FAM20A: variants seen among roughly 807,000 people sequenced by gnomAD.
The protein encoded by FAM20A is FAM20A golgi associated secretory pathway pseudokinase.
Under a neutral mutation model 52.0 loss-of-function variants are expected in FAM20A, and 42 were observed. The observed-to-expected ratio is 0.81, with a 90% CI of 0.63 to 1.04. The LOEUF is 1.04. FAM20A is among the 50% of genes least tolerant of loss of function. The pLI, the probability that FAM20A is intolerant of heterozygous loss-of-function variation, is 0.00. For missense variants in FAM20A, 742 were observed against 712.7 expected (o/e 1.04, Z -0.47); for synonymous variants, 304 against 298.9 (o/e 1.02, Z -0.18).
intron 1 of FAM20A, among the ~76,000 whole-genome samples, chr17:68,575,356 G>C (rs1373154957): frequency 2.1e-5 from 3 of 141,800 alleles, no homozygotes; most frequent in Non-Finnish European, 4.5e-5. Flanking sequence ...AGACCAACCT[G>C]GCCAACACAG....
intron 1 of FAM20A, chr17:68,558,265 G>A (rs949942116): frequency 2.6e-6 from 1 of 389,918 alleles, no homozygotes; most frequent in Non-Finnish European, 5.2e-6. Flanking sequence ...AGCTGCTGAC[G>A]AAAATGCAGC....
chr17:68,557,627 A>G (rs909803778), intron 1 of FAM20A: 2 of 152,202 alleles, frequency 1.3e-5, no homozygotes, highest in Non-Finnish European at 2.9e-5. Context: ...CAAGTCACCC[A>G]GTTTATAGTA....
chr17:68,572,005 T>TA lies in FAM20A; in HGVS notation c.405-16263dup, dbSNP rs1354758647. 6.2e-3 allele frequency among the ~76,000 whole-genome samples: 236 copies of TA among 38,272 alleles called. 3 individuals carry two copies. The highest frequency in any genetic ancestry group is 0.02 in the African/African-American group (204 of 10,028). The allele number at this position is 38,272 out of a possible 152,430, so 25.1% of individuals were successfully genotyped here. ...ATACATACATATATATATATATATA[T>TA]ATATATATATATATATATATATATA... On this transcript the variant is annotated intron_variant, in intron 1 of 10. Coordinates refer to ENST00000592554, the MANE Select transcript of FAM20A (RefSeq NM_017565.4).
chr17:68,546,030 A>G (rs531083499), intron 4 of FAM20A, among the ~76,000 whole-genome samples: 8 of 151,870 alleles, frequency 5.3e-5, no homozygotes, highest in Admixed American at 3.3e-4. Context: ...TTAGCCAGGC[A>G]TGGTGGCGCA....
chr17:68,551,366 A>G (rs1031308932), intron 4 of FAM20A: 1 of 369,528 alleles, frequency 2.7e-6, no homozygotes, highest in African/African-American at 2.1e-5. Flanking sequence ...TTCAGTTGAA[A>G]CAAGTATTGT....
At position 68,600,436 on chromosome 17, in the gene FAM20A, C is replaced by A; in HGVS notation, c.231G>T (p.Arg77=). The change falls in exon 1 of 11, where the codon CGG becomes CGT. Residue 77 remains arginine, a synonymous_variant. Transcript: ENST00000592554. The surrounding 1 kb of genome is among the most constrained non-coding windows in gnomAD (Gnocchi z 6.2). The part of the protein sequence containing the change: ...IVHNFSRTEP[R]TEPAGGSHSG... ...TGTGGCTGCCGCCAGCCGGTTCAGT[C>A]CGGGGCTCGGTTCGGGAAAAGTTGT... 1.9e-6 allele frequency: 3 copies of A among 1,611,378 alleles called. No individual in the cohort carries two copies. The highest frequency in any genetic ancestry group is 1.1e-5 in the South Asian group (1 of 90,544).
chr17:68,560,337 C>T (rs1214763791), intron 1 of FAM20A, among the ~76,000 whole-genome samples: 1 of 122,516 alleles, frequency 8.2e-6, no homozygotes, highest in Non-Finnish European at 1.6e-5. Context: ...GAGCGAAACT[C>T]CATCTCAAAA....
Position 68,600,290 on chromosome 17 carries a change from T to C in FAM20A, c.377A>G (p.Tyr126Cys). The C allele has an allele frequency of 6.3e-7, 1 of 1,575,590 alleles. No individual in the cohort carries two copies. The highest frequency in any genetic ancestry group is 8.6e-7 in the Non-Finnish European group (1 of 1,161,030). Residue 126 changes from tyrosine (Y) to cysteine (C), a missense_variant, in exon 1 of 11, where the codon TAC becomes TGC. By Grantham distance (194) the Tyr-to-Cys change is radical (BLOSUM62 -2). Transcript: ENST00000592554. The surrounding 1 kb of genome is among the most constrained non-coding windows in gnomAD (Gnocchi z 6.2). ...LLASQEALRY[Y>C]RRKVARWNRR... ...GTTCCAGCGGGCCACCTTCCTCCGG[T>C]AATACCGCAGCGCCTCCTGGCTGGC...
At chr17:68,562,640 A>G (rs1223024199) in intron 1 of FAM20A, among the ~76,000 whole-genome samples, 1 of 146,132 alleles carries the variant, frequency 6.8e-6, no homozygotes, top group South Asian at 2.2e-4. Flanking sequence ...TAAGCATTGC[A>G]TCTTCTCATT....
At chr17:68,590,804 C>T (rs1480309269) in intron 1 of FAM20A, among the ~76,000 whole-genome samples, 3 of 152,182 alleles carry the variant, frequency 2.0e-5, no homozygotes, top group Non-Finnish European at 4.4e-5. Flanking sequence ...CTGCTCTTCC[C>T]CACTCTGAGC....
chr17:68,597,466 C>A (rs750631510), intron 1 of FAM20A, among the ~76,000 whole-genome samples: 27 of 152,104 alleles, frequency 1.8e-4, no homozygotes, highest in Non-Finnish European at 3.8e-4. Context: ...CTGACTGCAA[C>A]TTCCACCTCC....
At chr17:68,554,127 C>CAT (rs34315774) in intron 3 of FAM20A, among the ~76,000 whole-genome samples, 2,235 of 146,504 alleles carry the variant, frequency 0.015, 54 homozygotes, top group East Asian at 0.087. Flanking sequence ...TATACACACA[C>CAT]ATATATATAT....
Position 68,551,906 on chromosome 17 carries a change from G to A in FAM20A, c.686C>T (p.Ser229Leu), listed in dbSNP as rs147626178. The A allele has an allele frequency of 1.3e-5, 20 of 1,589,966 alleles. No homozygotes were observed. The highest frequency in any genetic ancestry group is 3.3e-4 in the Middle Eastern group (2 of 6,054). Residue 229 changes from serine to leucine, a missense_variant, in exon 4 of 11, where the codon TCG (serine) becomes TTG (leucine). Transcript: ENST00000592554. ...GVHLKLVLRF[S>L]DFGKAMFKPM... ...TTTGAACATGGCCTTCCCGAAATCC[G>A]AGAACCTCAGCACCAGCTTGAGGTG...
In FAM20A at chr17:68,537,308, TA is replaced by T. The variant is rs770857622; in HGVS notation, c.*168del. The T allele has an allele frequency of 5.8e-6, 5 of 864,624 alleles. No individual in the cohort carries two copies. Among genetic ancestry groups the T allele is most frequent in the Non-Finnish European group, 9.4e-6 (5 of 534,326 alleles). 53.6% of individuals were successfully genotyped at this position (864,624 alleles called of 1,614,324 possible). A position where few individuals can be genotyped will look rare whatever the true frequency, so the allele number is the denominator to read the frequency against. ...ACGACAGAAGCGGTGCACCAAGGAG[TA>T]AAGATTCAGTTCCATGGGCCCCACT... On this transcript the variant is annotated 3_prime_UTR_variant, in exon 11 of 11. Transcript: ENST00000592554. The surrounding 1 kb of genome is among the most constrained non-coding windows in gnomAD (Gnocchi z 4.2).
chr17:68,537,597 G>A lies in FAM20A; in HGVS notation c.1506C>T (p.Leu502=). 1.2e-6 allele frequency: 2 copies of A among 1,613,654 alleles called. No individual in the cohort carries two copies. Among genetic ancestry groups the A allele is most frequent in the Non-Finnish European group, 1.7e-6 (2 of 1,179,726 alleles). ...CCTCCACTGTCCTTAGGATGGTTTG[G>A]AGCCTTCGATCCAGGGCAAGGAGGT... ...EPHLLALDRR[L]QTILRTVEGC... Residue 502 remains leucine, a synonymous_variant, in exon 11 of 11, where the codon CTC becomes CTT. Coordinates refer to ENST00000592554, the MANE Select transcript of FAM20A (RefSeq NM_017565.4). The surrounding 1 kb of genome is among the most constrained non-coding windows in gnomAD (Gnocchi z 4.2).
In FAM20A at chr17:68,542,713, A is replaced by G; in HGVS notation, c.909T>C (p.Ser303=). 4 of 1,613,298 alleles carry G rather than the reference A, an allele frequency of 2.5e-6. No individual in the cohort carries two copies. The highest frequency in any genetic ancestry group is 3.4e-6 in the Non-Finnish European group (4 of 1,179,608). ...CTCTACCTGGAGAGACAAAGAAAAC[A>G]CTCTGCAGGATTTCATTCTTGGTGA... is the stretch of plus-strand genomic sequence containing the variant. ...LEVTKNEILQ[S]VFFVSPASNV... The change falls in exon 6 of 11, where the codon AGT becomes AGC. Residue 303 remains serine, a synonymous_variant. Coordinates refer to ENST00000592554, the MANE Select transcript of FAM20A (RefSeq NM_017565.4).
chr17:68,537,343 G>A lies in FAM20A; in HGVS notation c.*134C>T. 9 of 1,158,776 alleles carry A rather than the reference G, an allele frequency of 7.8e-6. No individual in the cohort carries two copies. The highest frequency in any genetic ancestry group is 1.1e-5 in the Non-Finnish European group (9 of 789,488). 71.8% of individuals were successfully genotyped at this position (1,158,776 alleles called of 1,614,324 possible). On this transcript the variant is annotated 3_prime_UTR_variant, in exon 11 of 11. Transcript: ENST00000592554. The surrounding 1 kb of genome is among the most constrained non-coding windows in gnomAD (Gnocchi z 4.2). ...GTTCCATGGGCCCCACTTGCTGTTT[G>A]AGAAAATGTCCTGCTTCCTTCCTAG...
rs1037134947 is a variant in FAM20A at position 68,535,324 on chromosome 17, A to G, written c.*2153T>C. 3.1e-5 allele frequency: 14 copies of G among 453,988 alleles called. No individual in the cohort carries two copies. The highest frequency in any genetic ancestry group is 3.1e-4 in the Admixed American group (13 of 42,552). 28.1% of individuals were successfully genotyped at this position (453,988 alleles called of 1,614,324 possible). A position where few individuals can be genotyped will look rare whatever the true frequency, so the allele number is the denominator to read the frequency against. ...ACATATCATGGTGAAATTCAAGCCT[A>G]TTGCTTTCTGTTTGTAGAGTGCAGC... is the stretch of plus-strand genomic sequence containing the variant. On this transcript the variant is annotated 3_prime_UTR_variant, in exon 11 of 11. Transcript: ENST00000592554.
At chr17:68,590,052 T>C (rs1216928069) in intron 1 of FAM20A, 2 of 152,192 alleles carry the variant, frequency 1.3e-5, no homozygotes, top group Non-Finnish European at 2.9e-5. Context: ...GTCAGCACAG[T>C]TACTGGAGGC....
Sources: gnomAD v4.1 joint callset for allele counts (sites outside exome capture counted in the v4.1 genomes callset) on GRCh38, gnomAD v4.1.1 for gene constraint, Gnocchi (gnomAD v3.1) non-coding constraint, MANE v1.5 for transcripts, NCBI Gene and HGNC (gene_info 2026-07-23, HGNC 2026-07-21) for gene names.